The following SMG6 variants were observed in gnomAD, a reference collection of about 807,000 sequenced individuals.
SMG6 encodes the protein SMG6 nonsense mediated mRNA decay factor.
SMG6 carries 66 observed loss-of-function variants against 142.2 expected under a neutral mutation model. That is an observed-to-expected ratio of 0.46 (90% CI 0.38 to 0.57). The LOEUF (loss-of-function observed/expected upper bound fraction) is 0.57. Ranked by LOEUF, SMG6 falls within the 20% of genes least tolerant of loss-of-function variation. The pLI, the probability that SMG6 is intolerant of heterozygous loss-of-function variation, is 0.00. For missense variants in SMG6, 1,793 were observed against 1,832.0 expected, an observed-to-expected ratio of 0.98 and a Z score of 0.39; for synonymous variants, 779 against 702.4, an observed-to-expected ratio of 1.11 and a Z score of -1.72.
chr17:2,299,445 AAAC>A lies in SMG6; in HGVS notation c.1305_1307del (p.Leu435del). 1 of 1,614,164 alleles carries A rather than the reference AAAC, an allele frequency of 6.2e-7. No homozygotes were observed. Among genetic ancestry groups the A allele is most frequent in the African/African-American group, 1.3e-5 (1 of 75,050 alleles). On this transcript the variant is annotated inframe_deletion, in exon 2 of 19. Transcript: ENST00000263073. This position sits in a 1 kb window ranked among gnomAD's most constrained non-coding sequence, Gnocchi z 4.3. ...TCCGAGATCCCTTACTACCAGATCCAAACAAAAGCCGAGGTCCCAAAGGCGCGG... is the reference window on the plus strand; with the variant it reads ...TCCGAGATCCCTTACTACCAGATCCAAAAAGCCGAGGTCCCAAAGGCGCGG...
At chr17:2,263,689 A>G (rs529508901) in intron 8 of SMG6, among the ~76,000 whole-genome samples, 4 of 152,352 alleles carry the variant, frequency 2.6e-5, no homozygotes, top group African/African-American at 9.6e-5. Flanking sequence ...AGCACAGTTC[A>G]CTTCAATACT....
intron 10 of SMG6, among the ~76,000 whole-genome samples, chr17:2,198,015 A>T (rs936195477): frequency 1.3e-5 from 2 of 152,252 alleles, no homozygotes; most frequent in African/African-American, 2.4e-5. Context: ...ACGTTTAGAA[A>T]AAAAACCAGT....
intron 9 of SMG6, among the ~76,000 whole-genome samples, chr17:2,237,894 T>C (rs1230132672): frequency 6.6e-6 from 1 of 152,194 alleles, no homozygotes; most frequent in African/African-American, 2.4e-5. Flanking sequence ...ACCAAAGTAT[T>C]TTTTACCATG....
intron 8 of SMG6, among the ~76,000 whole-genome samples, chr17:2,277,498 T>C (rs2074688992): frequency 6.6e-6 from 1 of 152,200 alleles, no homozygotes; most frequent in Non-Finnish European, 1.5e-5. Flanking sequence ...TTCACATGTA[T>C]AAAATTGTAC....
rs569584907 is a variant in SMG6, at chr17:2,210,451, G to A, written c.2870-21936C>T. Among the ~76,000 whole-genome samples, 107 of 151,922 alleles carry A rather than the reference G, an allele frequency of 7.0e-4. 1 individual carries two copies. The highest frequency in any genetic ancestry group is 2.4e-3 in the African/African-American group (101 of 41,436). ...ATGAGTCAATTTTGAATAAACTTGC[G>A]ATTCCAGGTGAAAATATAGAACAAA... On this transcript the variant is annotated intron_variant, in intron 10 of 18. Transcript: ENST00000263073.
At chr17:2,272,058 T>A (rs1207758609) in intron 8 of SMG6, among the ~76,000 whole-genome samples, 1 of 152,198 alleles carries the variant, frequency 6.6e-6, no homozygotes, top group Non-Finnish European at 1.5e-5. Context: ...TCCTAAGGTA[T>A]CTTATGGGAG....
At chr17:2,236,695 T>G in intron 9 of SMG6, 58 bp from the exon 10 acceptor site, 1 of 1,527,050 alleles carries the variant, frequency 6.5e-7, no homozygotes, top group Admixed American at 1.9e-5. Context: ...TCTCTCTCAC[T>G]CTGTCTCACA....
intron 13 of SMG6, chr17:2,128,041 C>A: frequency 2.4e-6 from 1 of 419,554 alleles, no homozygotes; most frequent in South Asian, 1.9e-5. Flanking sequence ...GCTGAAATCT[C>A]TCCTGTGCTC....
At chr17:2,171,627 G>C (rs1320269114) in intron 13 of SMG6, among the ~76,000 whole-genome samples, 1 of 152,060 alleles carries the variant, frequency 6.6e-6, no homozygotes, top group South Asian at 2.1e-4. Context: ...GCCCGTCTCC[G>C]CTTCTCAAAG....
At chr17:2,117,504 T>G (rs2069545171) in intron 13 of SMG6, 1 of 152,194 alleles carries the variant, frequency 6.6e-6, no homozygotes, top group Non-Finnish European at 1.5e-5. Flanking sequence ...TTTCATATTC[T>G]AGCAGCAAAA....
intron 13 of SMG6, among the ~76,000 whole-genome samples, chr17:2,141,612 A>T (rs1237706792): frequency 1.3e-5 from 2 of 151,952 alleles, no homozygotes; most frequent in Non-Finnish European, 2.9e-5. Flanking sequence ...GCTAATTTTT[A>T]AAAAATTTTT....
intron 13 of SMG6, among the ~76,000 whole-genome samples, chr17:2,120,459 G>A (rs1351046233): frequency 1.3e-5 from 2 of 152,178 alleles, no homozygotes; most frequent in Non-Finnish European, 2.9e-5. Flanking sequence ...TGGGCATGGG[G>A]GCTCACGCCT....
At chr17:2,182,324 C>T (rs1274834981) in intron 12 of SMG6, among the ~76,000 whole-genome samples, 2 of 152,156 alleles carry the variant, frequency 1.3e-5, no homozygotes, top group Non-Finnish European at 2.9e-5. Context: ...TTGTGTGGCC[C>T]CAGCTGCACA....
At chr17:2,130,266 C>CAAAAAAAAAAAAAAAAAAAAAAA (rs903007543) in intron 13 of SMG6, among the ~76,000 whole-genome samples, 16 of 39,492 alleles carry the variant, frequency 4.1e-4, no homozygotes, top group South Asian at 1.1e-3. Flanking sequence ...GACTCCGTCT[C>CAAAAAAAAAAAAAAAAAAAAAAA]AAAAAAAAAA....
chr17:2,151,900 G>T (rs920117258), intron 13 of SMG6, among the ~76,000 whole-genome samples: 1 of 152,214 alleles, frequency 6.6e-6, no homozygotes, highest in Non-Finnish European at 1.5e-5. Flanking sequence ...TCAGAACCCT[G>T]ACTAGGCTCT....
intron 13 of SMG6, among the ~76,000 whole-genome samples, chr17:2,138,229 A>G (rs573158960): frequency 6.6e-6 from 1 of 152,310 alleles, no homozygotes; most frequent in Non-Finnish European, 1.5e-5. Flanking sequence ...GGGATTAGTG[A>G]AAATGACAGT....
At chr17:2,193,086 C>T (rs1483992831) in intron 10 of SMG6, among the ~76,000 whole-genome samples, 1 of 152,216 alleles carries the variant, frequency 6.6e-6, no homozygotes, top group Non-Finnish European at 1.5e-5. Flanking sequence ...CCACCCAAAT[C>T]TCACGTCGAA....
At chr17:2,161,352 G>A (rs955622198) in intron 13 of SMG6, among the ~76,000 whole-genome samples, 1 of 151,826 alleles carries the variant, frequency 6.6e-6, no homozygotes, top group African/African-American at 2.4e-5. Flanking sequence ...TGATCAGCCT[G>A]CCTCGGCCTC....
intron 13 of SMG6, among the ~76,000 whole-genome samples, chr17:2,167,779 C>T (rs1355918120): frequency 6.6e-6 from 1 of 152,234 alleles, no homozygotes; most frequent in Non-Finnish European, 1.5e-5. Flanking sequence ...AAGCTGCTCA[C>T]GTTGCTGCCA....
Sources: allele counts gnomAD v4.1 joint callset (sites outside exome capture counted in the v4.1 genomes callset), GRCh38; gene constraint gnomAD v4.1.1; non-coding constraint Gnocchi (gnomAD v3.1); transcripts MANE v1.5; gene names NCBI Gene and HGNC (gene_info 2026-07-23, HGNC 2026-07-21).